The following IQSEC1 variants were observed in gnomAD, a reference collection of about 807,000 sequenced individuals.
IQSEC1 encodes the protein IQ motif and Sec7 domain ArfGEF 1.
In IQSEC1, 31 loss-of-function variants were observed where a neutral mutation model predicts 91.0. The observed-to-expected ratio is 0.34, with a 90% CI of 0.26 to 0.46. The LOEUF is 0.46. Ranked by LOEUF, IQSEC1 falls within the 20% of genes least tolerant of loss-of-function variation. The pLI is 1.00. For missense variants in IQSEC1, 1,388 were observed against 1,575.6 expected, an observed-to-expected ratio of 0.88 and a Z score of 2.02; for synonymous variants, 699 against 662.6, an observed-to-expected ratio of 1.05 and a Z score of -0.84.
rs1693962014 is a variant in IQSEC1 at position 12,899,209 on chromosome 3, C to T, written c.*1774G>A. The T allele has an allele frequency of 4.6e-6, 3 of 654,324 alleles. No individual in the cohort carries two copies. The highest frequency in any genetic ancestry group is 2.0e-5 in the South Asian group (1 of 50,682). The allele number at this position is 654,324 out of a possible 1,614,324, so 40.5% of individuals were successfully genotyped here. A position where few individuals can be genotyped will look rare whatever the true frequency, so the allele number is the denominator to read the frequency against. On this transcript the variant is annotated 3_prime_UTR_variant, in exon 14 of 14. Transcript: ENST00000613206. ...ATCGGCAAAACCCTGGCCAGCCAGCCAGCCAAGGTGACACACAGCCAGAGG... is the reference window on the plus strand; with the variant it reads ...ATCGGCAAAACCCTGGCCAGCCAGCTAGCCAAGGTGACACACAGCCAGAGG...
chr3:13,094,235 G>T (rs898809927), intron 2 of IQSEC1, among the ~76,000 whole-genome samples: 1 of 152,190 alleles, frequency 6.6e-6, no homozygotes, highest in African/African-American at 2.4e-5. Flanking sequence ...GGCACTTGTG[G>T]CAGGGAGATC....
chr3:12,899,299 C>A lies in IQSEC1; in HGVS notation c.*1684G>T. The A allele has an allele frequency of 7.0e-7, 1 of 1,427,142 alleles. No individual in the cohort carries two copies. Among genetic ancestry groups the A allele is most frequent in the East Asian group, 2.4e-5 (1 of 40,948 alleles). 88.4% of individuals were successfully genotyped at this position (1,427,142 alleles called of 1,614,324 possible). A position where few individuals can be genotyped will look rare whatever the true frequency, so the allele number is the denominator to read the frequency against. Reference sequence around the variant, plus strand: ...ACGCTGTCCACTGGGAACGCGGCCCCGCGGCCCGCAGAGTCAGGCGTGAGC... The same window carrying A: ...ACGCTGTCCACTGGGAACGCGGCCCAGCGGCCCGCAGAGTCAGGCGTGAGC... On this transcript the variant is annotated 3_prime_UTR_variant, in exon 14 of 14. Coordinates refer to ENST00000613206, the MANE Select transcript of IQSEC1 (RefSeq NM_001134382.3).
chr3:13,208,109 T>C (rs1694376481), intron 1 of IQSEC1, among the ~76,000 whole-genome samples: 1 of 150,976 alleles, frequency 6.6e-6, no homozygotes, highest in African/African-American at 2.4e-5. Flanking sequence ...ATGGCAAGAC[T>C]TGGGTGGGTG....
At chr3:13,277,943 G>A (rs894229051) in intron 1 of IQSEC1, among the ~76,000 whole-genome samples, 1 of 152,016 alleles carries the variant, frequency 6.6e-6, no homozygotes, top group Admixed American at 6.6e-5. Context: ...AGGGGCTCCC[G>A]GCAGGACCCT....
At chr3:12,904,793 C>T (rs1483821254) in intron 12 of IQSEC1, among the ~76,000 whole-genome samples, 1 of 152,242 alleles carries the variant, frequency 6.6e-6, no homozygotes, top group East Asian at 1.9e-4. Context: ...ACCGGCAACT[C>T]CTTCTGGCTG....
chr3:13,247,084 A>G (rs1695120660), intron 1 of IQSEC1, among the ~76,000 whole-genome samples: 1 of 152,166 alleles, frequency 6.6e-6, no homozygotes, highest in African/African-American at 2.4e-5. Context: ...ACTTGTCAGC[A>G]ACTGTCTCTA....
At position 13,282,361 on chromosome 3, in the gene IQSEC1, A is replaced by G. The variant is rs918885385; in HGVS notation, c.272+350T>C. Reference sequence around the variant, plus strand: ...TTCTCGCCCTGCTGCTCCGAGACCTAGGTCCGCTCCCCGGACAGACCTCCG... The same window carrying G: ...TTCTCGCCCTGCTGCTCCGAGACCTGGGTCCGCTCCCCGGACAGACCTCCG... On this transcript the variant is annotated intron_variant, in intron 1 of 15. Coordinates refer to the IQSEC1 transcript ENST00000648114. The surrounding 1 kb of genome is among the most constrained non-coding windows in gnomAD (Gnocchi z 6.4). Among the ~76,000 whole-genome samples, 1 of 151,952 alleles carries G rather than the reference A, an allele frequency of 6.6e-6. No homozygotes were observed. The highest frequency in any genetic ancestry group is 1.5e-5 in the Non-Finnish European group (1 of 67,954).
Position 12,967,847 on chromosome 3 carries a change from C to T in IQSEC1, c.24-25982G>A, listed in dbSNP as rs1700696425. ...TGCACGGAGCGTGTGGGGAAGAGAG[C>T]ACAGGAGGCGTGGCCACACGGCGCC... On this transcript the variant is annotated intron_variant, in intron 1 of 13. Transcript: ENST00000613206. This position sits in a 1 kb window ranked among gnomAD's most constrained non-coding sequence, Gnocchi z 5.9. 4.0e-6 allele frequency: 1 copy of T among 247,982 alleles called. No homozygotes were observed. The allele number at this position is 247,982 out of a possible 1,614,324, so 15.4% of individuals were successfully genotyped here.
intron 1 of IQSEC1, among the ~76,000 whole-genome samples, chr3:13,030,953 A>C (rs1431716001): frequency 2.0e-5 from 3 of 152,266 alleles, no homozygotes; most frequent in Non-Finnish European, 2.9e-5. Flanking sequence ...AAAGCAATGC[A>C]CAAAATAATA....
chr3:12,940,576 G>GGCA lies in IQSEC1; in HGVS notation c.318+992_318+994dup, dbSNP rs1443454864. The stretch of plus-strand genomic sequence containing the variant: ...GGGCCCTGGGGCCAGCAGGGGCAGA[G>GGCA]GCAGCTGCCTGGGCATCTGGAGGAG... On this transcript the variant is annotated intron_variant, in intron 2 of 13. Coordinates refer to ENST00000613206, the MANE Select transcript of IQSEC1 (RefSeq NM_001134382.3). The surrounding 1 kb of genome is among the most constrained non-coding windows in gnomAD (Gnocchi z 4.4). Among the ~76,000 whole-genome samples the GGCA allele has an allele frequency of 6.6e-6, 1 of 151,726 alleles. No individual in the cohort carries two copies. The highest frequency in any genetic ancestry group is 2.4e-5 in the African/African-American group (1 of 41,284).
At chr3:13,269,179 C>A (rs1232702896) in intron 1 of IQSEC1, among the ~76,000 whole-genome samples, 1 of 152,128 alleles carries the variant, frequency 6.6e-6, no homozygotes, top group African/African-American at 2.4e-5. Context: ...TCAGGGCACT[C>A]TTGTGAGCAA....
rs1693913516 is a variant in IQSEC1 at position 12,898,849 on chromosome 3, C to G, written c.*2134G>C. The G allele has an allele frequency of 1.0e-5, 1 of 98,688 alleles. No homozygotes were observed. The highest frequency in any genetic ancestry group is 4.3e-5 in the African/African-American group (1 of 23,156). The allele number at this position is 98,688 out of a possible 1,614,324, so 6.1% of individuals were successfully genotyped here. A position where few individuals can be genotyped will look rare whatever the true frequency, so the allele number is the denominator to read the frequency against. Reference sequence around the variant, plus strand: ...TTTAACGCTTCCAGGTCGGAACAGCCTCCTCAAAATTGCGAGACAGAGTGC... The same window carrying G: ...TTTAACGCTTCCAGGTCGGAACAGCGTCCTCAAAATTGCGAGACAGAGTGC... On this transcript the variant is annotated 3_prime_UTR_variant, in exon 14 of 14. Coordinates refer to ENST00000613206, the MANE Select transcript of IQSEC1 (RefSeq NM_001134382.3).
intron 1 of IQSEC1, among the ~76,000 whole-genome samples, chr3:13,253,424 C>T (rs1022533336): frequency 4.6e-5 from 7 of 152,162 alleles, no homozygotes; most frequent in African/African-American, 1.7e-4. Flanking sequence ...GCAGCTTAGC[C>T]AAGATGGCGG....
intron 1 of IQSEC1, among the ~76,000 whole-genome samples, chr3:13,219,481 G>GC (rs1202110081): frequency 1.3e-5 from 2 of 152,234 alleles, no homozygotes; most frequent in African/African-American, 4.8e-5. Flanking sequence ...TCAAGGATGT[G>GC]CCCCCACCCC....
Position 12,913,468 on chromosome 3 carries a change from AG to A in IQSEC1, c.2275del (p.Leu759TyrfsTer26). ...GAACAGGAAGATTTCTCGCTGGTGT[AG>A]TCCGAGTTTCTGGGGCTTGTTTGGG... ...PDPNKPQKLG[L>X]HQREIFLFND... On this transcript the variant is annotated frameshift_variant, in exon 9 of 14. Transcript: ENST00000613206. LOFTEE classifies it high-confidence loss of function. 1 of 1,606,716 alleles carries A rather than the reference AG, an allele frequency of 6.2e-7. No homozygotes were observed. The highest frequency in any genetic ancestry group is 1.7e-5 in the Admixed American group (1 of 59,640).
chr3:13,038,134 A>T (rs960893590), intron 1 of IQSEC1, among the ~76,000 whole-genome samples: 7 of 150,708 alleles, frequency 4.6e-5, no homozygotes, highest in African/African-American at 1.7e-4. Flanking sequence ...GCATGGCAAC[A>T]GATGAATGGA....
In IQSEC1 at chr3:13,227,005, C is replaced by T. The variant is rs116412537; in HGVS notation, c.272+55706G>A. On this transcript the variant is annotated intron_variant, in intron 1 of 15. Coordinates refer to the IQSEC1 transcript ENST00000648114. ...ACTCCTCGTTTGGGATCGTTTGAGC[C>T]CAGGAGTTCAAGGCTGCAGTGAGCG... Among the ~76,000 whole-genome samples the T allele has an allele frequency of 3.4e-3, 511 of 152,162 alleles. 4 individuals carry two copies. Among genetic ancestry groups the T allele is most frequent in the African/African-American group, 0.012 (485 of 41,514 alleles).
intron 1 of IQSEC1, among the ~76,000 whole-genome samples, chr3:12,973,163 A>G (rs1559688503): frequency 6.6e-6 from 1 of 152,108 alleles, no homozygotes; most frequent in Admixed American, 6.5e-5. Flanking sequence ...CCTACGTGAC[A>G]CTGAACTGCT....
chr3:13,119,740 C>T (rs1231626728), intron 2 of IQSEC1, among the ~76,000 whole-genome samples: 11 of 152,216 alleles, frequency 7.2e-5, no homozygotes, highest in Non-Finnish European at 1.3e-4. Flanking sequence ...ATGCATGTAA[C>T]GATTGTGATG....
Sources: gnomAD v4.1 joint callset for allele counts (sites outside exome capture counted in the v4.1 genomes callset) on GRCh38, gnomAD v4.1.1 for gene constraint, Gnocchi (gnomAD v3.1) non-coding constraint, MANE v1.5 for transcripts, NCBI Gene and HGNC (gene_info 2026-07-23, HGNC 2026-07-21) for gene names.